The following RALYL variants were observed in gnomAD, a reference collection of about 807,000 sequenced individuals.
RALYL encodes RALY RNA binding protein like, also known as RNA-binding Raly-like protein.
RALYL carries 29 observed loss-of-function variants against 35.1 expected under a neutral mutation model. The observed-to-expected ratio is 0.83, with a 90% confidence interval of 0.61 to 1.13. The LOEUF is 1.13. Ranked by LOEUF, RALYL falls within the 50% of genes most tolerant of loss-of-function variation. The pLI is 0.00. For synonymous variants in RALYL, 120 were observed against 127.6 expected, an observed-to-expected ratio of 0.94 and a Z score of 0.40; for missense variants, 359 against 360.4, an observed-to-expected ratio of 1.00 and a Z score of 0.03.
chr8:84,329,590 A>G (rs1401795030), intron 1 of RALYL, among the ~76,000 whole-genome samples: 1 of 152,092 alleles, frequency 6.6e-6, no homozygotes, highest in Non-Finnish European at 1.5e-5. Flanking sequence ...TTTGCTGTGC[A>G]AAAGCTCCTT....
At chr8:84,449,833 T>C (rs950761474) in intron 1 of RALYL, among the ~76,000 whole-genome samples, 1 of 152,048 alleles carries the variant, frequency 6.6e-6, no homozygotes, top group Non-Finnish European at 1.5e-5. Flanking sequence ...AGGTGACATA[T>C]GGTAGTATGT....
intron 2 of RALYL, among the ~76,000 whole-genome samples, chr8:84,659,852 G>T (rs908679689): frequency 6.6e-6 from 1 of 152,044 alleles, no homozygotes; most frequent in African/African-American, 2.4e-5. Context: ...ATAGATAACC[G>T]ATATTTTGAA....
chr8:84,739,686 G>A (rs1847934685), intron 2 of RALYL, among the ~76,000 whole-genome samples: 1 of 151,842 alleles, frequency 6.6e-6, no homozygotes, highest in Non-Finnish European at 1.5e-5. Flanking sequence ...GTAGTTAGAT[G>A]TAGTTAGGGG....
chr8:84,405,230 T>C (rs2043348030), intron 1 of RALYL, among the ~76,000 whole-genome samples: 1 of 152,150 alleles, frequency 6.6e-6, no homozygotes, highest in African/African-American at 2.4e-5. Context: ...TAGAGGGAAA[T>C]TTATAGCACT....
intron 1 of RALYL, among the ~76,000 whole-genome samples, chr8:84,482,743 A>G (rs1390757140): frequency 6.6e-6 from 1 of 152,050 alleles, no homozygotes; most frequent in Non-Finnish European, 1.5e-5. Context: ...GTTCTTGTAG[A>G]TTAGATGATC....
At chr8:84,482,829 C>T (rs777389835) in intron 1 of RALYL, among the ~76,000 whole-genome samples, 3 of 151,976 alleles carry the variant, frequency 2.0e-5, no homozygotes, top group Non-Finnish European at 4.4e-5. Flanking sequence ...AGTTTAATAG[C>T]TTGTGCACTA....
intron 1 of RALYL, among the ~76,000 whole-genome samples, chr8:84,412,445 T>C (rs2044200768): frequency 2.0e-5 from 3 of 151,960 alleles, no homozygotes; most frequent in Non-Finnish European, 4.4e-5. Flanking sequence ...GGATTATAGA[T>C]TGTCCCTTAT....
chr8:84,420,490 G>C (rs1441475621), intron 1 of RALYL, among the ~76,000 whole-genome samples: 1 of 150,206 alleles, frequency 6.7e-6, no homozygotes. Flanking sequence ...CTCCCATGTT[G>C]TAGGTTGCCT....
chr8:84,446,674 T>C (rs1247191140), intron 1 of RALYL, among the ~76,000 whole-genome samples: 2 of 152,086 alleles, frequency 1.3e-5, no homozygotes, highest in Non-Finnish European at 2.9e-5. Flanking sequence ...AGAATATGTC[T>C]GTGGGGTGAT....
intron 1 of RALYL, among the ~76,000 whole-genome samples, chr8:84,422,149 T>G: frequency 2.1e-5 from 3 of 142,684 alleles, no homozygotes; most frequent in Non-Finnish European, 4.6e-5. Context: ...GTACCTCTGG[T>G]AGAATTCGGC....
intron 6 of RALYL, chr8:84,872,362 T>C (rs527620479): frequency 7.2e-5 from 11 of 152,268 alleles, no homozygotes; most frequent in African/African-American, 1.7e-4. Context: ...TAATGAGAAG[T>C]TGATAAAATT....
chr8:84,501,809 T>C (rs2056690769), intron 1 of RALYL, among the ~76,000 whole-genome samples: 1 of 146,758 alleles, frequency 6.8e-6, no homozygotes, highest in Admixed American at 6.8e-5. Flanking sequence ...TTAGGACCTA[T>C]ATTAATAAAT....
intron 8 of RALYL, among the ~76,000 whole-genome samples, chr8:84,891,055 T>G (rs1215162839): frequency 6.6e-6 from 1 of 152,112 alleles, no homozygotes; most frequent in Non-Finnish European, 1.5e-5. Flanking sequence ...CCGAGATATT[T>G]CAGAGGTGGA....
chr8:84,897,156 G>A (rs1021693590), intron 8 of RALYL, among the ~76,000 whole-genome samples: 2 of 152,044 alleles, frequency 1.3e-5, no homozygotes, highest in Non-Finnish European at 2.9e-5. Flanking sequence ...CTTTTGTAAC[G>A]ATTAAAAAAT....
intron 8 of RALYL, among the ~76,000 whole-genome samples, chr8:84,903,706 A>G (rs1587109220): frequency 6.6e-6 from 1 of 152,192 alleles, no homozygotes; most frequent in East Asian, 1.9e-4. Context: ...CCAAACCCGT[A>G]TTATAGTTCT....
intron 1 of RALYL, among the ~76,000 whole-genome samples, chr8:84,361,967 A>G (rs1321264791): frequency 6.6e-6 from 1 of 152,150 alleles, no homozygotes; most frequent in Non-Finnish European, 1.5e-5. Flanking sequence ...CTGCTCCTTC[A>G]TCTGTAAAAT....
At chr8:84,590,591 T>C (rs1813016048) in intron 2 of RALYL, among the ~76,000 whole-genome samples, 2 of 152,202 alleles carry the variant, frequency 1.3e-5, no homozygotes, top group Non-Finnish European at 2.9e-5. Flanking sequence ...GAAGGAGGAT[T>C]AGATCTACAG....
chr8:84,204,876 C>A (rs920021941), intron 1 of RALYL, among the ~76,000 whole-genome samples: 7 of 152,044 alleles, frequency 4.6e-5, no homozygotes, highest in Non-Finnish European at 7.4e-5. Context: ...GCTAGGCATA[C>A]AAAGTATGTG....
chr8:84,231,926 G>T (rs1348366145), intron 1 of RALYL, among the ~76,000 whole-genome samples: 1 of 152,056 alleles, frequency 6.6e-6, no homozygotes, highest in East Asian at 1.9e-4. Flanking sequence ...AACAATGTGG[G>T]ATTTGTCAAA....
Sources: allele counts gnomAD v4.1 joint callset (sites outside exome capture counted in the v4.1 genomes callset), GRCh38; gene constraint gnomAD v4.1.1; transcripts MANE v1.5; gene names NCBI Gene and HGNC (gene_info 2026-07-23, HGNC 2026-07-21).